The following PCDHGC4 variants were observed in gnomAD, a reference collection of about 807,000 sequenced individuals.
PCDHGC4 encodes the protein protocadherin gamma-C4.
In PCDHGC4, 15 loss-of-function variants were observed where a neutral mutation model predicts 59.7. The observed-to-expected ratio is 0.25, with a 90% CI of 0.17 to 0.39. The LOEUF (loss-of-function observed/expected upper bound fraction) is 0.39, where lower values mean the gene tolerates loss of function less well. Ranked by LOEUF, PCDHGC4 falls within the 10% of genes least tolerant of loss-of-function variation. PCDHGC4 has a pLI of 1.00. For missense variants in PCDHGC4, 1,016 were observed against 1,189.5 expected (o/e 0.85, Z 2.15); for synonymous variants, 434 against 481.4 (o/e 0.90, Z 1.29).
At chr5:141,488,183 T>C (rs1249953031) in intron 1 of PCDHGC4, among the ~76,000 whole-genome samples, 1 of 152,148 alleles carries the variant, frequency 6.6e-6, no homozygotes, top group Non-Finnish European at 1.5e-5. Flanking sequence ...CATAGATCTT[T>C]TGGTCTGGGT....
chr5:141,491,895 A>C lies in PCDHGC4; in HGVS notation c.2443-2912A>C. 1.4e-6 allele frequency: 2 copies of C among 1,434,306 alleles called. No individual in the cohort carries two copies. The highest frequency in any genetic ancestry group is 1.8e-6 in the Non-Finnish European group (2 of 1,084,904). 88.8% of individuals were successfully genotyped at this position (1,434,306 alleles called of 1,614,324 possible). Reference sequence around the variant, plus strand: ...CCGATTAAGGGATGGGGCTCCGAGCACCGGGGGTGGTGGCGACTGTGGGCG... The same window carrying C: ...CCGATTAAGGGATGGGGCTCCGAGCCCCGGGGGTGGTGGCGACTGTGGGCG... On this transcript the variant is annotated intron_variant, in intron 1 of 3. Transcript: ENST00000306593. The surrounding 1 kb of genome is among the most constrained non-coding windows in gnomAD (Gnocchi z 6.9).
At chr5:141,494,638 A>G (rs2099755799) in intron 1 of PCDHGC4, 169 bp from the exon 2 acceptor site, 1 of 896,388 alleles carries the variant, frequency 1.1e-6, no homozygotes, top group African/African-American at 1.8e-5. Context: ...GACCTCTGAG[A>G]CCTGAGGTGT....
intron 3 of PCDHGC4, among the ~76,000 whole-genome samples, 153 bp from the exon 4 acceptor site, chr5:141,510,790 GAAGA>G (rs982513431): frequency 6.6e-5 from 10 of 152,264 alleles, no homozygotes; most frequent in African/African-American, 2.4e-4. Context: ...CAACTCTTGT[GAAGA>G]GAGACTACCT....
Position 141,511,319 on chromosome 5 carries a change from C to A in PCDHGC4, c.*146C>A. On this transcript the variant is annotated 3_prime_UTR_variant, in exon 4 of 4. Coordinates refer to ENST00000306593, the MANE Select transcript of PCDHGC4 (RefSeq NM_018928.3). ...CCATGCTCCCCTTGGGAAACAGAAA[C>A]AAGTGCCCAGTCAGCACCTACCCCT... is the stretch of plus-strand genomic sequence containing the variant. 6.8e-7 allele frequency: 1 copy of A among 1,477,420 alleles called. No homozygotes were observed. The highest frequency in any genetic ancestry group is 9.0e-7 in the Non-Finnish European group (1 of 1,108,340). 91.5% of individuals were successfully genotyped at this position (1,477,420 alleles called of 1,614,324 possible).
At position 141,485,413 on chromosome 5, in the gene PCDHGC4, C is replaced by T; in HGVS notation, c.240C>T (p.Asp80=). ...AAAGACACTTCCGTGTGGATTTGGA[C>T]AGCGGAGCCCTGCTCATCAAGAACC... ...VNQRHFRVDL[D]SGALLIKNPI... Residue 80 remains aspartate, a synonymous_variant, in exon 1 of 4, where the codon GAC becomes GAT. Transcript: ENST00000306593. The surrounding 1 kb of genome is among the most constrained non-coding windows in gnomAD (Gnocchi z 5.7). The T allele has an allele frequency of 6.2e-7, 1 of 1,614,158 alleles. No individual in the cohort carries two copies. The highest frequency in any genetic ancestry group is 8.5e-7 in the Non-Finnish European group (1 of 1,180,030).
At chr5:141,500,455 C>T (rs1254764658) in intron 2 of PCDHGC4, among the ~76,000 whole-genome samples, 4 of 151,986 alleles carry the variant, frequency 2.6e-5, no homozygotes, top group Non-Finnish European at 5.9e-5. Context: ...GTGATCCGCC[C>T]GCCTCGGCCT....
chr5:141,492,880 T>C (rs1204475362), intron 1 of PCDHGC4, among the ~76,000 whole-genome samples: 2 of 152,184 alleles, frequency 1.3e-5, no homozygotes, highest in African/African-American at 4.8e-5. Context: ...CCCCCAGAGA[T>C]ACAGGCTTTT....
Position 141,489,213 on chromosome 5 carries a change from T to G in PCDHGC4, c.2442+1598T>G, listed in dbSNP as rs372898969. 11 of 1,473,392 alleles carry G rather than the reference T, an allele frequency of 7.5e-6. No homozygotes were observed. The highest frequency in any genetic ancestry group is 6.4e-6 in the Non-Finnish European group (7 of 1,091,332). 91.3% of individuals were successfully genotyped at this position (1,473,392 alleles called of 1,614,324 possible). On this transcript the variant is annotated intron_variant, in intron 1 of 3. Coordinates refer to ENST00000306593, the MANE Select transcript of PCDHGC4 (RefSeq NM_018928.3). This position sits in a 1 kb window ranked among gnomAD's most constrained non-coding sequence, Gnocchi z 4.5. Reference sequence around the variant, plus strand: ...ACCTTGGAGACAGGACAGCACAGACTTACTCTCCACAAAGGGACTTCTGGG... The same window carrying G: ...ACCTTGGAGACAGGACAGCACAGACGTACTCTCCACAAAGGGACTTCTGGG...
intron 2 of PCDHGC4, among the ~76,000 whole-genome samples, chr5:141,499,575 T>TCCCTA (rs2099792820): frequency 1.3e-5 from 2 of 152,202 alleles, no homozygotes; most frequent in Non-Finnish European, 2.9e-5. Context: ...CTTCAACTAA[T>TCCCTA]GCCTTATCTT....
In PCDHGC4 at chr5:141,486,184, A is replaced by G. The variant is rs2099625756; in HGVS notation, c.1011A>G (p.Arg337=). 8 of 1,614,014 alleles carry G rather than the reference A, an allele frequency of 5.0e-6. No homozygotes were observed. Among genetic ancestry groups the G allele is most frequent in the Non-Finnish European group, 6.8e-6 (8 of 1,180,026 alleles). Residue 337 remains arginine, a synonymous_variant, in exon 1 of 4, where the codon CGA becomes CGG. Transcript: ENST00000306593. This position sits in a 1 kb window ranked among gnomAD's most constrained non-coding sequence, Gnocchi z 5.0. The part of the protein sequence containing the change: ...SPAMEQHCSL[R]VDLLDVNDNA... ...CCATGGAGCAACATTGCAGCCTTCG[A>G]GTGGATCTGCTGGACGTAAATGACA...
At chr5:141,499,127 A>G (rs1198571084) in intron 2 of PCDHGC4, among the ~76,000 whole-genome samples, 1 of 152,134 alleles carries the variant, frequency 6.6e-6, no homozygotes, top group Non-Finnish European at 1.5e-5. Flanking sequence ...TTCTCAGGTC[A>G]TCCTTTGGGT....
At chr5:141,492,587 C>G (rs2154587748) in intron 1 of PCDHGC4, among the ~76,000 whole-genome samples, 1 of 152,314 alleles carries the variant, frequency 6.6e-6, no homozygotes, top group African/African-American at 2.4e-5. Flanking sequence ...GGGCCAGGAG[C>G]GCTGGAGCGA....
rs918375556 is a variant in PCDHGC4, at chr5:141,489,318, G to C, written c.2442+1703G>C. 6.3e-7 allele frequency: 1 copy of C among 1,598,974 alleles called. No individual in the cohort carries two copies. Among genetic ancestry groups the C allele is most frequent in the African/African-American group, 1.3e-5 (1 of 74,510 alleles). On this transcript the variant is annotated intron_variant, in intron 1 of 3. Coordinates refer to ENST00000306593, the MANE Select transcript of PCDHGC4 (RefSeq NM_018928.3). The surrounding 1 kb of genome is among the most constrained non-coding windows in gnomAD (Gnocchi z 4.5). ...TGTTGTCCTTGTGCTGCTGGGGCTG[G>C]GTGTCTGGGCAGCTTCGTTACTCAG...
At chr5:141,509,599 A>G (rs964564148) in intron 3 of PCDHGC4, among the ~76,000 whole-genome samples, 6 of 152,158 alleles carry the variant, frequency 3.9e-5, no homozygotes, top group African/African-American at 1.4e-4. Context: ...CAATTCCGAG[A>G]GGCTGCATTC....
rs1391017504 is a variant in PCDHGC4 at position 141,490,732 on chromosome 5, G to GTTCAGGGAGCCCCAGCCTCCTCCT, written c.2442+3120_2442+3143dup. 6.2e-7 allele frequency: 1 copy of GTTCAGGGAGCCCCAGCCTCCTCCT among 1,614,070 alleles called. No individual in the cohort carries two copies. Among genetic ancestry groups the GTTCAGGGAGCCCCAGCCTCCTCCT allele is most frequent in the Non-Finnish European group, 8.5e-7 (1 of 1,180,050 alleles). On this transcript the variant is annotated intron_variant, in intron 1 of 3. Coordinates refer to ENST00000306593, the MANE Select transcript of PCDHGC4 (RefSeq NM_018928.3). This position sits in a 1 kb window ranked among gnomAD's most constrained non-coding sequence, Gnocchi z 5.4. ...CACCTACTCCATTGTAGGAAATCAG[G>GTTCAGGGAGCCCCAGCCTCCTCCT]TTCAGGGAGCCCCAGCCTCCTCCTT...
rs1485167379 is a variant in PCDHGC4, at chr5:141,485,881, C to T, written c.708C>T (p.Asn236=). 5.0e-6 allele frequency: 8 copies of T among 1,613,984 alleles called. No homozygotes were observed. Among genetic ancestry groups the T allele is most frequent in the East Asian group, 2.2e-5 (1 of 44,880 alleles). The change falls in exon 1 of 4, where the codon AAC becomes AAT. Residue 236 remains asparagine, a synonymous_variant. Transcript: ENST00000306593. The surrounding 1 kb of genome is among the most constrained non-coding windows in gnomAD (Gnocchi z 5.7). ...TCCGGGTATCCGTGCTGGACGTAAACGACAACGCCCCAGCCTTCCAGCAAT... is the reference window on the plus strand; with the variant it reads ...TCCGGGTATCCGTGCTGGACGTAAATGACAACGCCCCAGCCTTCCAGCAAT... The part of the protein sequence containing the change: ...AELRVSVLDV[N]DNAPAFQQSS...
At chr5:141,510,509 C>G (rs146315792) in intron 3 of PCDHGC4, among the ~76,000 whole-genome samples, 13 of 152,204 alleles carry the variant, frequency 8.5e-5, no homozygotes, top group Non-Finnish European at 1.6e-4. Flanking sequence ...ACTGAGAGCC[C>G]GTGTCACAGC....
intron 2 of PCDHGC4, among the ~76,000 whole-genome samples, chr5:141,500,310 G>A (rs1327269551): frequency 6.6e-6 from 1 of 151,740 alleles, no homozygotes; most frequent in Non-Finnish European, 1.5e-5. Flanking sequence ...CCAGGTTCAC[G>A]CCATGCTCCT....
rs938964469 is a variant in PCDHGC4 at position 141,485,439 on chromosome 5, C to T, written c.266C>T (p.Pro89Leu). Residue 89 changes from proline to leucine, a missense_variant, in exon 1 of 4, where the codon CCA (proline) becomes CTA (leucine). By Grantham distance (98) the Pro-to-Leu change is moderately conservative. Transcript: ENST00000306593. This position sits in a 1 kb window ranked among gnomAD's most constrained non-coding sequence, Gnocchi z 5.7. Reference protein sequence around the residue: ...LDSGALLIKNPIDREALCGLS... With the variant: ...LDSGALLIKNLIDREALCGLS... The stretch of plus-strand genomic sequence containing the variant: ...AGCGGAGCCCTGCTCATCAAGAACC[C>T]AATCGACCGAGAGGCACTGTGTGGG... The T allele has an allele frequency of 1.1e-5, 18 of 1,614,182 alleles. No homozygotes were observed. Among genetic ancestry groups the T allele is most frequent in the Non-Finnish European group, 1.5e-5 (18 of 1,180,036 alleles).
Sources: allele counts gnomAD v4.1 joint callset (sites outside exome capture counted in the v4.1 genomes callset), GRCh38; gene constraint gnomAD v4.1.1; non-coding constraint Gnocchi (gnomAD v3.1); transcripts MANE v1.5; gene names NCBI Gene and HGNC (gene_info 2026-07-23, HGNC 2026-07-21).